Variants in VPS35L observed in about 807,000 individuals in gnomAD.
The protein encoded by VPS35L is VPS35 endosomal protein sorting factor like.
A neutral mutation model predicts 133.0 loss-of-function variants in VPS35L; 83 were observed. That is an observed-to-expected ratio of 0.62 (90% CI 0.52 to 0.75). The LOEUF is 0.75. Among genes scored for constraint, VPS35L ranks in the 30% least tolerant of loss-of-function variants. The pLI, the probability that VPS35L is intolerant of heterozygous loss-of-function variation, is 0.00. For missense variants in VPS35L, 1,083 were observed against 1,206.8 expected (o/e 0.90, Z 1.52); for synonymous variants, 423 against 449.9 (o/e 0.94, Z 0.76).
Position 19,679,887 on chromosome 16 carries a change from A to G in VPS35L, c.2362-2338A>G, listed in dbSNP as rs191479075. On this transcript the variant is annotated intron_variant, in intron 27 of 30. Coordinates refer to ENST00000417362, the MANE Select transcript of VPS35L (RefSeq NM_020314.7). ...CTCCACAATTGTCCTCACCCACTTG[A>G]AAGTATGACTGCAATATGTACACAC... 5.4e-3 allele frequency among the ~76,000 whole-genome samples: 828 copies of G among 152,354 alleles called. 7 individuals are homozygous for G. The highest frequency in any genetic ancestry group is 8.5e-3 in the Non-Finnish European group (578 of 68,036).
intron 1 of VPS35L, among the ~76,000 whole-genome samples, chr16:19,556,899 C>T (rs920554643): frequency 6.6e-6 from 1 of 150,636 alleles, no homozygotes; most frequent in Non-Finnish European, 1.5e-5. Context: ...CCGAGGCTGG[C>T]GGATCACCTG....
At chr16:19,689,795 T>G (rs1434697878) in intron 28 of VPS35L, among the ~76,000 whole-genome samples, 2 of 152,166 alleles carry the variant, frequency 1.3e-5, no homozygotes, top group East Asian at 3.9e-4. Context: ...AAAAGCATAA[T>G]ATATATAGGA....
chr16:19,606,812 C>G (rs954569459), intron 9 of VPS35L, among the ~76,000 whole-genome samples: 1 of 152,308 alleles, frequency 6.6e-6, no homozygotes, highest in East Asian at 1.9e-4. Context: ...CTGTCTTACT[C>G]TGTCTCGCTC....
rs373871609 is a variant in VPS35L at position 19,691,982 on chromosome 16, C to T, written c.2646+511C>T. 6.6e-5 allele frequency among the ~76,000 whole-genome samples: 10 copies of T among 152,074 alleles called. 1 individual carries two copies. The highest frequency in any genetic ancestry group is 2.4e-4 in the African/African-American group (10 of 41,476). ...CTCCGCCTCCCGGGTTCAGGCGATT[C>T]TCCTGCCTCAGCCTCCCAAGTAGCT... On this transcript the variant is annotated intron_variant, in intron 29 of 30. Coordinates refer to ENST00000417362, the MANE Select transcript of VPS35L (RefSeq NM_020314.7).
At position 19,623,754 on chromosome 16, in the gene VPS35L, TTTAC is replaced by T. The variant is rs1199593169; in HGVS notation, c.1225-2419_1225-2416del. ...CCTTTTTTTTCTTTATTTTTTACTTTTTACTTATTTATTTATTATTATTATTATT... is the reference window on the plus strand; with the variant it reads ...CCTTTTTTTTCTTTATTTTTTACTTTTTATTTATTTATTATTATTATTATT... On this transcript the variant is annotated intron_variant, in intron 14 of 30. Coordinates refer to ENST00000417362, the MANE Select transcript of VPS35L (RefSeq NM_020314.7). Among the ~76,000 whole-genome samples the T allele has an allele frequency of 1.9e-4, 27 of 143,832 alleles. No individual in the cohort carries two copies. The East Asian group carries it at 5.4e-3, about 29-fold the overall frequency. 94.4% of individuals were successfully genotyped at this position (143,832 alleles called of 152,430 possible). A position where few individuals can be genotyped will look rare whatever the true frequency, so the allele number is the denominator to read the frequency against.
intron 9 of VPS35L, among the ~76,000 whole-genome samples, chr16:19,602,593 G>A (rs1304364354): frequency 6.7e-6 from 1 of 148,986 alleles, no homozygotes; most frequent in African/African-American, 2.5e-5. Context: ...TCCATCAATC[G>A]ATCAATTTAT....
At chr16:19,642,707 G>A (rs1455399818) in intron 22 of VPS35L, among the ~76,000 whole-genome samples, 1 of 152,198 alleles carries the variant, frequency 6.6e-6, no homozygotes, top group East Asian at 1.9e-4. Flanking sequence ...TATGTTGCGG[G>A]TAAAAAGCTG....
At chr16:19,556,436 C>T (rs1048964205) in intron 1 of VPS35L, among the ~76,000 whole-genome samples, 1 of 152,160 alleles carries the variant, frequency 6.6e-6, no homozygotes, top group African/African-American at 2.4e-5. Flanking sequence ...GCCTGGTTGG[C>T]AGGCCCGTAG....
At chr16:19,656,680 C>G (rs1023052283) in intron 26 of VPS35L, among the ~76,000 whole-genome samples, 1 of 151,958 alleles carries the variant, frequency 6.6e-6, no homozygotes, top group Non-Finnish European at 1.5e-5. Context: ...CCCACCGGCA[C>G]ATAGTAGCTG....
chr16:19,581,529 C>G lies in VPS35L; in HGVS notation c.515C>G (p.Ser172Cys), dbSNP rs1180063304. 1.3e-6 allele frequency: 2 copies of G among 1,599,534 alleles called. No individual in the cohort carries two copies. Among genetic ancestry groups the G allele is most frequent in the South Asian group, 1.1e-5 (1 of 89,172 alleles). Residue 172 changes from serine to cysteine, a missense_variant, in exon 7 of 31, where the codon TCC becomes TGC. Transcript: ENST00000417362. Reference sequence around the variant, plus strand: ...CCTTCTGCCTTCTCCCCACAGGGTTCCCAAAAGGAGCTGTTGAACTTGACT... The same window carrying G: ...CCTTCTGCCTTCTCCCCACAGGGTTGCCAAAAGGAGCTGTTGAACTTGACT... ...LEELDDFEEG[S>C]QKELLNLTQQ...
chr16:19,665,752 G>A (rs56950676), intron 26 of VPS35L, among the ~76,000 whole-genome samples: 4 of 152,246 alleles, frequency 2.6e-5, no homozygotes, highest in African/African-American at 9.6e-5. Context: ...AGAAACCTCC[G>A]AATTGTTCTC....
At chr16:19,612,716 A>G (rs1014812059) in intron 12 of VPS35L, among the ~76,000 whole-genome samples, 4 of 152,214 alleles carry the variant, frequency 2.6e-5, no homozygotes, top group Non-Finnish European at 5.9e-5. Context: ...TATTAAAGAG[A>G]AATCAGAATG....
intron 8 of VPS35L, among the ~76,000 whole-genome samples, chr16:19,597,740 A>G (rs939154929): frequency 3.9e-5 from 6 of 152,186 alleles, no homozygotes; most frequent in South Asian, 2.1e-4. Context: ...GGCAGCCTGC[A>G]TGGACAGATG....
At position 19,682,354 on chromosome 16, in the gene VPS35L, A is replaced by G. The variant is rs768668578; in HGVS notation, c.2491A>G (p.Met831Val). 6 of 1,614,116 alleles carry G rather than the reference A, an allele frequency of 3.7e-6. No individual in the cohort carries two copies. Among genetic ancestry groups the G allele is most frequent in the South Asian group, 3.3e-5 (3 of 91,092 alleles). The change falls in exon 28 of 31, where the codon ATG (methionine) becomes GTG (valine). Residue 831 changes from methionine to valine, a missense_variant. Physicochemically the swap from Met to Val is conservative, Grantham distance 21 (BLOSUM62 1). Transcript: ENST00000417362. ...CTGCGTCCTGCATCTCCTCTCCGCCATGAGCCAGGAGACGTACCTTTACCA... is the reference window on the plus strand; with the variant it reads ...CTGCGTCCTGCATCTCCTCTCCGCCGTGAGCCAGGAGACGTACCTTTACCA... ...YTCVLHLLSA[M>V]SQETYLYHID...
At chr16:19,655,547 C>T (rs1047465930) in intron 26 of VPS35L, among the ~76,000 whole-genome samples, 3 of 152,134 alleles carry the variant, frequency 2.0e-5, no homozygotes, top group Non-Finnish European at 4.4e-5. Flanking sequence ...TGTGGCTTTC[C>T]CAAGGCTGGG....
intron 1 of VPS35L, among the ~76,000 whole-genome samples, chr16:19,560,745 G>A (rs1312189879): frequency 6.6e-6 from 1 of 151,576 alleles, no homozygotes; most frequent in Admixed American, 6.6e-5. Flanking sequence ...GCAGTGAGCC[G>A]AGATCATGCC....
At chr16:19,593,476 G>A (rs963628262) in intron 8 of VPS35L, among the ~76,000 whole-genome samples, 11 of 152,220 alleles carry the variant, frequency 7.2e-5, no homozygotes, top group African/African-American at 2.4e-4. Context: ...AGAGACCGGA[G>A]GCCTGAGTGC....
At chr16:19,659,068 C>G (rs1400788104) in intron 26 of VPS35L, among the ~76,000 whole-genome samples, 1 of 151,974 alleles carries the variant, frequency 6.6e-6, no homozygotes, top group Non-Finnish European at 1.5e-5. Context: ...ATTTCTAATC[C>G]CAAGTGCACG....
chr16:19,572,973 C>T (rs564581042), intron 3 of VPS35L, 146 bp from the exon 4 acceptor site: 20 of 890,382 alleles, frequency 2.2e-5, no homozygotes, highest in South Asian at 8.6e-5. Context: ...CCATGCCTGG[C>T]GCTGTAATTT....
Sources: gnomAD v4.1 joint callset for allele counts (sites outside exome capture counted in the v4.1 genomes callset) on GRCh38, gnomAD v4.1.1 for gene constraint, MANE v1.5 for transcripts, NCBI Gene and HGNC (gene_info 2026-07-23, HGNC 2026-07-21) for gene names.